The following NT5DC1 variants were observed in gnomAD, a reference collection of about 807,000 sequenced individuals.
The protein encoded by NT5DC1 is 5'-nucleotidase domain containing 1.
A neutral mutation model predicts 59.4 loss-of-function variants in NT5DC1; 42 were observed. The ratio of observed to expected loss-of-function variants is 0.71; its 90% CI spans 0.55 to 0.92. The LOEUF (loss-of-function observed/expected upper bound fraction) is 0.92, where lower values mean the gene tolerates loss of function less well. NT5DC1 is among the 40% of genes least tolerant of loss of function. NT5DC1 has a pLI of 0.00. For missense variants in NT5DC1, 501 were observed against 537.1 expected, an observed-to-expected ratio of 0.93 and a Z score of 0.66; for synonymous variants, 172 against 188.1, an observed-to-expected ratio of 0.91 and a Z score of 0.70.
chr6:116,129,860 G>A (rs1423124378), intron 6 of NT5DC1, among the ~76,000 whole-genome samples: 2 of 152,264 alleles, frequency 1.3e-5, no homozygotes, highest in African/African-American at 4.8e-5. Flanking sequence ...ACTTGCTACT[G>A]TGGAGATTGG....
intron 2 of NT5DC1, among the ~76,000 whole-genome samples, chr6:116,106,859 A>C (rs903364663): frequency 6.6e-6 from 1 of 152,144 alleles, no homozygotes; most frequent in African/African-American, 2.4e-5. Context: ...TTAGATAACA[A>C]AACAAACAAA....
chr6:116,149,464 T>A (rs1779980640), intron 6 of NT5DC1, among the ~76,000 whole-genome samples: 1 of 152,186 alleles, frequency 6.6e-6, no homozygotes, highest in African/African-American at 2.4e-5. Flanking sequence ...AAGAGAACAC[T>A]AACCTATTCA....
rs140144564 is a variant in NT5DC1 at position 116,203,048 on chromosome 6, G to A, written c.530-18006G>A. Among the ~76,000 whole-genome samples the A allele has an allele frequency of 3.3e-3, 500 of 152,016 alleles. 3 individuals carry two copies. Among genetic ancestry groups the A allele is most frequent in the Non-Finnish European group, 5.8e-3 (392 of 67,904 alleles). ...TTTAATACACAAATTTTTTCCCACA[G>A]ATTATGATATTAAACATTTTTATGG... On this transcript the variant is annotated intron_variant, in intron 6 of 11. Transcript: ENST00000319550.
At chr6:116,139,513 G>A (rs1048379256) in intron 6 of NT5DC1, among the ~76,000 whole-genome samples, 5 of 152,076 alleles carry the variant, frequency 3.3e-5, no homozygotes, top group African/African-American at 1.2e-4. Flanking sequence ...ACAGTGTAAT[G>A]ATATTGAACT....
chr6:116,196,899 C>G (rs1474584856), intron 6 of NT5DC1, among the ~76,000 whole-genome samples: 2 of 151,686 alleles, frequency 1.3e-5, no homozygotes, highest in African/African-American at 4.8e-5. Context: ...CTCCCCTCTT[C>G]TACTCTGGTG....
At chr6:116,219,910 CA>C (rs1367366710) in intron 6 of NT5DC1, among the ~76,000 whole-genome samples, 2 of 136,232 alleles carry the variant, frequency 1.5e-5, no homozygotes, top group East Asian at 2.2e-4. Flanking sequence ...TGCAGTTAGC[CA>C]GAGATCATGC....
intron 11 of NT5DC1, among the ~76,000 whole-genome samples, chr6:116,241,266 G>C (rs1771710496): frequency 6.6e-6 from 1 of 152,000 alleles, no homozygotes; most frequent in East Asian, 1.9e-4. Context: ...AATAATTCAT[G>C]TCAGAAGACT....
intron 6 of NT5DC1, among the ~76,000 whole-genome samples, chr6:116,156,566 A>C (rs1780200484): frequency 6.6e-6 from 1 of 152,216 alleles, no homozygotes; most frequent in South Asian, 2.1e-4. Flanking sequence ...TGCTAATTGC[A>C]GATATATGAA....
At chr6:116,134,036 C>A (rs537030084) in intron 6 of NT5DC1, among the ~76,000 whole-genome samples, 55 of 152,284 alleles carry the variant, frequency 3.6e-4, no homozygotes, top group Non-Finnish European at 6.3e-4. Flanking sequence ...GAAGTTTAGA[C>A]ATGCTGTCAT....
At chr6:116,200,399 T>A (rs1260925065) in intron 6 of NT5DC1, among the ~76,000 whole-genome samples, 1 of 151,982 alleles carries the variant, frequency 6.6e-6, no homozygotes, top group Non-Finnish European at 1.5e-5. Flanking sequence ...GTGAGGACTT[T>A]AGTTAATAAT....
intron 6 of NT5DC1, among the ~76,000 whole-genome samples, chr6:116,148,019 T>G (rs1193710836): frequency 6.6e-6 from 1 of 151,308 alleles, no homozygotes; most frequent in East Asian, 1.9e-4. Context: ...TGGAGGCACC[T>G]TGTTGTGGAC....
intron 6 of NT5DC1, among the ~76,000 whole-genome samples, chr6:116,212,902 T>C (rs1458572929): frequency 6.6e-6 from 1 of 152,174 alleles, no homozygotes; most frequent in Non-Finnish European, 1.5e-5. Flanking sequence ...CAAAAGCTTT[T>C]CATGTATTTA....
intron 11 of NT5DC1, among the ~76,000 whole-genome samples, chr6:116,241,848 G>A (rs991599732): frequency 1.4e-5 from 2 of 146,034 alleles, no homozygotes; most frequent in Non-Finnish European, 3.0e-5. Flanking sequence ...GCATGAACCC[G>A]GGGGGCGGAG....
At chr6:116,145,960 C>G (rs922771053) in intron 6 of NT5DC1, among the ~76,000 whole-genome samples, 1 of 152,168 alleles carries the variant, frequency 6.6e-6, no homozygotes, top group African/African-American at 2.4e-5. Context: ...AGTGTTTGTA[C>G]AGAGCACTGT....
chr6:116,121,101 G>A (rs761027927), intron 6 of NT5DC1: 1 of 1,613,748 alleles, frequency 6.2e-7, no homozygotes, highest in South Asian at 1.1e-5. Context: ...TTCCCAGGGG[G>A]TCCAGTCAGA....
chr6:116,147,972 G>A lies in NT5DC1; in HGVS notation c.529+30027G>A, dbSNP rs993557453. ...CTGCACTCCAGCCTGGCGACAGAGC[G>A]AGACTCTGTCTCAAAAAAAAAAAAG... is the stretch of plus-strand genomic sequence containing the variant. On this transcript the variant is annotated intron_variant, in intron 6 of 11. Transcript: ENST00000319550. Among the ~76,000 whole-genome samples the A allele has an allele frequency of 2.7e-5, 4 of 150,812 alleles. No homozygotes were observed. In the East Asian group the frequency reaches 5.8e-4, roughly 22 times the overall value.
chr6:116,207,007 A>G (rs1212765114), intron 6 of NT5DC1, among the ~76,000 whole-genome samples: 2 of 150,900 alleles, frequency 1.3e-5, no homozygotes, highest in Non-Finnish European at 2.9e-5. Context: ...CTTTCCTTTT[A>G]AAAATAAATA....
intron 8 of NT5DC1, among the ~76,000 whole-genome samples, chr6:116,236,160 A>G (rs915453809): frequency 6.6e-6 from 1 of 152,250 alleles, no homozygotes; most frequent in Admixed American, 6.5e-5. Flanking sequence ...TGATGTGAGA[A>G]AAAAGAGGTT....
chr6:116,116,297 C>G (rs919817400), intron 5 of NT5DC1, among the ~76,000 whole-genome samples: 2 of 152,122 alleles, frequency 1.3e-5, no homozygotes, highest in African/African-American at 4.8e-5. Context: ...CTATGAACAT[C>G]AAACAGATTT....
Sources: gnomAD v4.1 joint callset for allele counts (sites outside exome capture counted in the v4.1 genomes callset) on GRCh38, gnomAD v4.1.1 for gene constraint, MANE v1.5 for transcripts, NCBI Gene and HGNC (gene_info 2026-07-23, HGNC 2026-07-21) for gene names.